Variants in WRN observed in about 807,000 individuals in gnomAD.
WRN encodes bifunctional 3'-5' exonuclease/ATP-dependent helicase WRN.
WRN carries 149 observed loss-of-function variants against 180.7 expected under a neutral mutation model. The ratio of observed to expected loss-of-function variants is 0.82; its 90% CI spans 0.72 to 0.94. WRN has a LOEUF of 0.94. Among genes scored for constraint, WRN ranks in the 40% least tolerant of loss-of-function variants. The pLI is 0.00. For missense variants in WRN, 1,661 were observed against 1,700.1 expected, an observed-to-expected ratio of 0.98 and a Z score of 0.40; for synonymous variants, 548 against 568.9, an observed-to-expected ratio of 0.96 and a Z score of 0.52.
intron 17 of WRN, among the ~76,000 whole-genome samples, chr8:31,099,546 G>A (rs979449205): frequency 6.3e-5 from 9 of 143,302 alleles, no homozygotes; most frequent in African/African-American, 2.3e-4. Context: ...TGTTTAGTAG[G>A]TTTTTTTTTT....
intron 23 of WRN, among the ~76,000 whole-genome samples, chr8:31,129,936 C>T (rs1393329885): frequency 1.4e-5 from 2 of 139,904 alleles, no homozygotes; most frequent in Non-Finnish European, 3.0e-5. Flanking sequence ...ACCTGGGAGG[C>T]GGAGGTTGCC....
intron 1 of WRN, among the ~76,000 whole-genome samples, chr8:31,057,751 T>A (rs1812329834): frequency 6.6e-6 from 1 of 152,124 alleles, no homozygotes; most frequent in Non-Finnish European, 1.5e-5. Flanking sequence ...TCTGTTTTTT[T>A]TTTTTAAATG....
At chr8:31,142,537 T>C in intron 26 of WRN, 89 bp from the exon 27 acceptor site, 1 of 1,033,690 alleles carries the variant, frequency 9.7e-7, no homozygotes, top group South Asian at 1.8e-5. Flanking sequence ...TAATATCTTA[T>C]TCATCTTTCT....
At chr8:31,091,054 G>T (rs1238557383) in intron 15 of WRN, 112 bp downstream of exon 15, 2 of 843,986 alleles carry the variant, frequency 2.4e-6, no homozygotes, top group East Asian at 5.0e-5. Context: ...ATTTCTGCAG[G>T]TATTGCTTTA....
intron 7 of WRN, among the ~76,000 whole-genome samples, chr8:31,070,628 T>TA (rs1185690616): frequency 6.6e-6 from 1 of 151,844 alleles, no homozygotes; most frequent in Non-Finnish European, 1.5e-5. Flanking sequence ...AGATGAGTCT[T>TA]ATGTCATGGG....
chr8:31,041,130 C>T (rs188613338), intron 1 of WRN, among the ~76,000 whole-genome samples: 4 of 152,226 alleles, frequency 2.6e-5, no homozygotes, highest in Admixed American at 2.6e-4. Context: ...GTATTTCTGT[C>T]TCTGTATCTA....
chr8:31,151,387 T>C (rs1316255685), intron 31 of WRN, among the ~76,000 whole-genome samples: 1 of 152,240 alleles, frequency 6.6e-6, no homozygotes, highest in Non-Finnish European at 1.5e-5. Context: ...TCTCTAACTA[T>C]AAGTAGAAAA....
In WRN at chr8:31,157,502, T is replaced by C. The variant is rs971755885; in HGVS notation, c.3954T>C (p.Asp1318=). 8 of 1,614,148 alleles carry C rather than the reference T, an allele frequency of 5.0e-6. No individual in the cohort carries two copies. Among genetic ancestry groups the C allele is most frequent in the Non-Finnish European group, 6.8e-6 (8 of 1,180,020 alleles). Reference sequence around the variant, plus strand: ...CAGAGGTTCAGAAGATTATTGCTGATGTTATCCGAAACCCTCCCGTCAACT... The same window carrying C: ...CAGAGGTTCAGAAGATTATTGCTGACGTTATCCGAAACCCTCCCGTCAACT... ...LTPEVQKIIA[D]VIRNPPVNSD... The change falls in exon 33 of 35, where the codon GAT becomes GAC. Residue 1318 remains aspartate, a synonymous_variant. Transcript: ENST00000298139.
In WRN at chr8:31,088,887, C is replaced by A. The variant is rs3087409; in HGVS notation, c.1577-3C>A. The A allele has an allele frequency of 0.063, 101,393 of 1,607,294 alleles. 3,545 individuals carry two copies. Among genetic ancestry groups the A allele is most frequent in the African/African-American group, 0.13 (9,632 of 74,816 alleles). On this transcript the variant is annotated splice_region_variant and splice_polypyrimidine_tract_variant and intron_variant, in intron 12 of 34. Coordinates refer to ENST00000298139, the MANE Select transcript of WRN (RefSeq NM_000553.6). ...ATAAATGCACATTTTATTTTATTTC[C>A]AGACTTTTTGTGGCCAGCACCCAAT...
At chr8:31,172,561 C>A (rs1300202098) in intron 34 of WRN, among the ~76,000 whole-genome samples, 1 of 152,222 alleles carries the variant, frequency 6.6e-6, no homozygotes, top group Non-Finnish European at 1.5e-5. Context: ...GTCTGTCTAC[C>A]TACCGTTGTA....
chr8:31,085,782 C>G (rs1404763889), intron 11 of WRN, among the ~76,000 whole-genome samples: 1 of 151,804 alleles, frequency 6.6e-6, no homozygotes, highest in Non-Finnish European at 1.5e-5. Flanking sequence ...TGTGTTCCTT[C>G]TTGTGTTACT....
At chr8:31,155,208 A>G (rs1030153942) in intron 32 of WRN, among the ~76,000 whole-genome samples, 1 of 152,242 alleles carries the variant, frequency 6.6e-6, no homozygotes, top group Non-Finnish European at 1.5e-5. Context: ...AAAAATACAC[A>G]CTGGATCTCT....
rs777679266 is a variant in WRN at position 31,087,857 on chromosome 8, A to C, written c.1513A>C (p.Thr505Pro). The C allele has an allele frequency of 2.5e-6, 4 of 1,613,662 alleles. No individual in the cohort carries two copies. The African/African-American group carries it at 5.3e-5, about 22-fold the overall frequency. The change falls in exon 12 of 35, where the codon ACT becomes CCT. Residue 505 changes from threonine (T) to proline (P), a missense_variant. This residue lies in a region of WRN where 1,141 missense variants were observed against 1,149.4 expected (regional missense o/e 0.99). Transcript: ENST00000298139. ...LKMERNLGLP[T>P]KEEEEDDENE... is the part of the protein sequence containing the mutation. The stretch of plus-strand genomic sequence containing the variant: ...AATGGAAAGAAATCTGGGTCTTCCT[A>C]CTAAAGAAGAAGAAGAAGATGATGA...
intron 19 of WRN, among the ~76,000 whole-genome samples, chr8:31,112,310 C>G (rs1801351865): frequency 6.6e-6 from 1 of 152,086 alleles, no homozygotes; most frequent in Admixed American, 6.5e-5. Flanking sequence ...TGAATTCTGT[C>G]TAGTTTACTA....
At chr8:31,144,924 T>G (rs531276325) in intron 28 of WRN, among the ~76,000 whole-genome samples, 88 of 152,338 alleles carry the variant, frequency 5.8e-4, no homozygotes, top group African/African-American at 1.8e-3. Context: ...AACATTCCCT[T>G]GAGCCAAAGC....
intron 7 of WRN, among the ~76,000 whole-genome samples, chr8:31,072,061 A>T (rs1336809326): frequency 6.6e-6 from 1 of 152,194 alleles, no homozygotes; most frequent in Non-Finnish European, 1.5e-5. Flanking sequence ...CACAGAGGAC[A>T]GTTTGAGTTA....
At chr8:31,065,700 A>G (rs955399679) in intron 5 of WRN, among the ~76,000 whole-genome samples, 2 of 152,140 alleles carry the variant, frequency 1.3e-5, no homozygotes, top group African/African-American at 4.8e-5. Context: ...TGCAGTGAAC[A>G]TATGCGTGCA....
At chr8:31,140,878 C>T (rs1200195841) in intron 24 of WRN, among the ~76,000 whole-genome samples, 1 of 152,112 alleles carries the variant, frequency 6.6e-6, no homozygotes, top group Admixed American at 6.6e-5. Flanking sequence ...GCCTCAGCCT[C>T]CCGAGCAGCT....
chr8:31,099,223 C>T (rs1459400738), intron 17 of WRN, among the ~76,000 whole-genome samples: 1 of 151,826 alleles, frequency 6.6e-6, no homozygotes. Flanking sequence ...ATGGTGAAAC[C>T]CTGTCTCTAC....
Sources: allele counts gnomAD v4.1 joint callset (sites outside exome capture counted in the v4.1 genomes callset), GRCh38; gene constraint gnomAD v4.1.1; regional missense constraint gnomAD v4.1.1; transcripts MANE v1.5; gene names NCBI Gene and HGNC (gene_info 2026-07-23, HGNC 2026-07-21).